L2HGDH: variants seen among roughly 807,000 people sequenced by gnomAD.
L2HGDH encodes the protein L-2-hydroxyglutarate dehydrogenase.
In L2HGDH, 34 loss-of-function variants were observed where a neutral mutation model predicts 51.5. That is an observed-to-expected ratio of 0.66 (90% CI 0.50 to 0.88). The LOEUF (loss-of-function observed/expected upper bound fraction) is 0.88. Among genes scored for constraint, L2HGDH ranks in the 40% least tolerant of loss-of-function variants. The pLI is 0.00. For synonymous variants in L2HGDH, 198 were observed against 197.9 expected, an observed-to-expected ratio of 1.00 and a Z score of -0.01; for missense variants, 558 against 571.9, an observed-to-expected ratio of 0.98 and a Z score of 0.25.
At chr14:50,292,261 C>G (rs779460828) in intron 4 of L2HGDH, among the ~76,000 whole-genome samples, 1 of 152,222 alleles carries the variant, frequency 6.6e-6, no homozygotes, top group African/African-American at 2.4e-5. Context: ...CATACAGATT[C>G]ATTGCAATCT....
chr14:50,292,631 G>A (rs1188883165), intron 4 of L2HGDH, among the ~76,000 whole-genome samples: 4 of 152,086 alleles, frequency 2.6e-5, no homozygotes, highest in African/African-American at 4.8e-5. Flanking sequence ...ACTTGAACCC[G>A]GGAGGCAGAG....
intron 3 of L2HGDH, among the ~76,000 whole-genome samples, chr14:50,301,618 C>T (rs553926073): frequency 7.9e-5 from 12 of 152,232 alleles, no homozygotes; most frequent in African/African-American, 2.9e-4. Flanking sequence ...GCAGAACAGG[C>T]AAATCCACAA....
Position 50,271,760 on chromosome 14 carries a change from G to C in L2HGDH, c.739-2430C>G, listed in dbSNP as rs149718967. Among the ~76,000 whole-genome samples, 741 of 152,200 alleles carry C rather than the reference G, an allele frequency of 4.9e-3. 4 individuals carry two copies. The highest frequency in any genetic ancestry group is 0.024 in the Middle Eastern group (7 of 294). The stretch of plus-strand genomic sequence containing the variant: ...AAGAAATAAACCATGCATGTCTGTT[G>C]CTCTTTCATAAGTGAAGCAGATTCC... On this transcript the variant is annotated intron_variant, in intron 6 of 9. Transcript: ENST00000267436.
intron 9 of L2HGDH, among the ~76,000 whole-genome samples, chr14:50,252,544 T>C (rs553551820): frequency 2.6e-5 from 4 of 152,026 alleles, no homozygotes; most frequent in African/African-American, 9.6e-5. Context: ...TTACTTCACC[T>C]ATAAAGATAC....
intron 9 of L2HGDH, among the ~76,000 whole-genome samples, chr14:50,253,734 AT>A (rs1348702574): frequency 4.6e-5 from 7 of 152,172 alleles, no homozygotes; most frequent in Admixed American, 2.6e-4. Flanking sequence ...CTGAATTTCC[AT>A]GTTTACTGCA....
At chr14:50,310,936 C>CTTTTTTTTTTT (rs34399906) in intron 1 of L2HGDH, among the ~76,000 whole-genome samples, 37 of 82,248 alleles carry the variant, frequency 4.5e-4, no homozygotes, top group East Asian at 8.3e-4. Context: ...CTTTTCTTTT[C>CTTTTTTTTTTT]TTTTTTTTTT....
At chr14:50,308,758 G>A (rs12433317) in intron 1 of L2HGDH, among the ~76,000 whole-genome samples, 60,199 of 151,954 alleles carry the variant, frequency 0.4, 12,160 homozygotes, top group East Asian at 0.65. Context: ...GCAGTCTTGG[G>A]CATTTATTCC....
At position 50,312,195 on chromosome 14, in the gene L2HGDH, T is replaced by G. The variant is rs759419752; in HGVS notation, c.-45A>C. 2 of 1,604,212 alleles carry G rather than the reference T, an allele frequency of 1.2e-6. No homozygotes were observed. The highest frequency in any genetic ancestry group is 2.2e-5 in the East Asian group (1 of 44,708). On this transcript the variant is annotated 5_prime_UTR_variant, in exon 1 of 10. Transcript: ENST00000267436. ...CCCTCAGCGCTCAGAAGAAGCCACT[T>G]GACCCTCCACGGCCGAGGACCCGCG...
In L2HGDH at chr14:50,245,814, G is replaced by A. The variant is rs1887965651; in HGVS notation, c.*1244C>T. On this transcript the variant is annotated 3_prime_UTR_variant, in exon 10 of 10. Coordinates refer to ENST00000267436, the MANE Select transcript of L2HGDH (RefSeq NM_024884.3). ...CTCTAGGTCATGGTTGGTAAGGACA[G>A]GTCATTAACAAAGTCAGGGATTCAG... 4.1e-6 allele frequency: 4 copies of A among 985,238 alleles called. No homozygotes were observed. The highest frequency in any genetic ancestry group is 3.5e-5 in the African/African-American group (2 of 57,222). The allele number at this position is 985,238 out of a possible 1,614,324, so 61.0% of individuals were successfully genotyped here.
intron 3 of L2HGDH, among the ~76,000 whole-genome samples, chr14:50,294,809 T>A (rs1405188835): frequency 6.6e-6 from 1 of 152,240 alleles, no homozygotes; most frequent in Non-Finnish European, 1.5e-5. Context: ...TTATTTCTTT[T>A]CTATTTATTT....
In L2HGDH at chr14:50,290,868, T is replaced by G. The variant is rs116569853; in HGVS notation, c.540+3247A>C. 6.1e-3 allele frequency among the ~76,000 whole-genome samples: 931 copies of G among 152,174 alleles called. 10 individuals are homozygous for G. Among genetic ancestry groups the G allele is most frequent in the African/African-American group, 0.021 (872 of 41,486 alleles). ...TTTAATTCATCACAAAATAATGTTCTTCTTTTAATTTTTTTAACACACTTA... is the reference window on the plus strand; with the variant it reads ...TTTAATTCATCACAAAATAATGTTCGTCTTTTAATTTTTTTAACACACTTA... On this transcript the variant is annotated intron_variant, in intron 4 of 9. Transcript: ENST00000267436.
intron 1 of L2HGDH, among the ~76,000 whole-genome samples, chr14:50,309,792 C>T (rs1381696916): frequency 2.6e-5 from 4 of 151,712 alleles, no homozygotes; most frequent in Non-Finnish European, 5.9e-5. Context: ...AAGCGATCCT[C>T]CTGCCTCAGC....
chr14:50,245,229 C>T lies in L2HGDH; in HGVS notation c.*1829G>A, dbSNP rs1887943586. 1 of 985,264 alleles carries T rather than the reference C, an allele frequency of 1.0e-6. No homozygotes were observed. Among genetic ancestry groups the T allele is most frequent in the Non-Finnish European group, 1.2e-6 (1 of 829,776 alleles). 61.0% of individuals were successfully genotyped at this position (985,264 alleles called of 1,614,324 possible). A position where few individuals can be genotyped will look rare whatever the true frequency, so the allele number is the denominator to read the frequency against. On this transcript the variant is annotated 3_prime_UTR_variant, in exon 10 of 10. Transcript: ENST00000267436. ...ATGAATCATTACCAATCTTGGCCAA[C>T]ATTTTGAGAGCCTTAGTGTGACTAA...
Position 50,244,877 on chromosome 14 carries a change from C to T in L2HGDH, c.*2181G>A, listed in dbSNP as rs1476632250. ...AAGACATACACAGTAGAAGATGAAT[C>T]CTGAGAGAGCAAATCAGAGAGAATG... On this transcript the variant is annotated 3_prime_UTR_variant, in exon 10 of 10. Coordinates refer to ENST00000267436, the MANE Select transcript of L2HGDH (RefSeq NM_024884.3). 2 of 985,312 alleles carry T rather than the reference C, an allele frequency of 2.0e-6. No homozygotes were observed. The highest frequency in any genetic ancestry group is 1.2e-6 in the Non-Finnish European group (1 of 829,942). The allele number at this position is 985,312 out of a possible 1,614,324, so 61.0% of individuals were successfully genotyped here.
chr14:50,245,609 T>C lies in L2HGDH; in HGVS notation c.*1449A>G, dbSNP rs1456967139. 1.0e-6 allele frequency: 1 copy of C among 971,990 alleles called. No homozygotes were observed. The highest frequency in any genetic ancestry group is 1.2e-6 in the Non-Finnish European group (1 of 817,804). 60.2% of individuals were successfully genotyped at this position (971,990 alleles called of 1,614,324 possible). On this transcript the variant is annotated 3_prime_UTR_variant, in exon 10 of 10. Transcript: ENST00000267436. ...AATTTCCAAATACAAATATTGTTGC[T>C]CTAAATAATGTGAGTTTTGTGACTC... is the stretch of plus-strand genomic sequence containing the variant.
intron 3 of L2HGDH, among the ~76,000 whole-genome samples, chr14:50,298,498 A>T (rs2030211024): frequency 6.6e-6 from 1 of 151,888 alleles, no homozygotes; most frequent in Non-Finnish European, 1.5e-5. Context: ...TATTTTTAGT[A>T]GAGATGGGGT....
chr14:50,293,033 A>G (rs2029868155), intron 4 of L2HGDH, among the ~76,000 whole-genome samples: 1 of 152,118 alleles, frequency 6.6e-6, no homozygotes, highest in African/African-American at 2.4e-5. Context: ...CTCTTCAAAC[A>G]TTTTAAAATT....
At chr14:50,258,161 C>A (rs1476501097) in intron 9 of L2HGDH, among the ~76,000 whole-genome samples, 1 of 151,676 alleles carries the variant, frequency 6.6e-6, no homozygotes, top group African/African-American at 2.4e-5. Flanking sequence ...ATTATACACA[C>A]ACAGCCAATC....
At chr14:50,250,381 A>G (rs1432574588) in intron 9 of L2HGDH, among the ~76,000 whole-genome samples, 2 of 152,246 alleles carry the variant, frequency 1.3e-5, no homozygotes, top group Non-Finnish European at 2.9e-5. Flanking sequence ...AGGTGGTGGT[A>G]GCCACAGGGA....
Sources: gnomAD v4.1 joint callset for allele counts (sites outside exome capture counted in the v4.1 genomes callset) on GRCh38, gnomAD v4.1.1 for gene constraint, MANE v1.5 for transcripts, NCBI Gene and HGNC (gene_info 2026-07-23, HGNC 2026-07-21) for gene names.